COL17A1: variants seen among roughly 807,000 people sequenced by gnomAD.
COL17A1 encodes collagen type XVII alpha 1 chain.
COL17A1 carries 181 observed loss-of-function variants against 218.4 expected under a neutral mutation model. The observed-to-expected ratio is 0.83, with a 90% CI of 0.73 to 0.94. The LOEUF (loss-of-function observed/expected upper bound fraction) is 0.94, where lower values mean the gene tolerates loss of function less well. COL17A1 is among the 40% of genes least tolerant of loss of function. The pLI is 0.00. For missense variants in COL17A1, 1,924 were observed against 1,945.9 expected, an observed-to-expected ratio of 0.99 and a Z score of 0.21; for synonymous variants, 721 against 731.0, an observed-to-expected ratio of 0.99 and a Z score of 0.22.
Position 104,037,024 on chromosome 10 carries a change from AT to A in COL17A1, c.3277+20del, listed in dbSNP as rs1554847203. ...GAAAGCAAAGATAGTCCCACCCTCG[AT>A]CCCCCCACAGGTGACTCACGCTGCA... On this transcript the variant is annotated intron_variant, in intron 47 of 55. Coordinates refer to ENST00000648076, the MANE Select transcript of COL17A1 (RefSeq NM_000494.4). 1.9e-6 allele frequency: 3 copies of A among 1,594,564 alleles called. No homozygotes were observed. The highest frequency in any genetic ancestry group is 2.6e-6 in the Non-Finnish European group (3 of 1,170,666).
intron 15 of COL17A1, 109 bp downstream of exon 15, chr10:104,059,529 A>C: frequency 1.0e-6 from 1 of 963,514 alleles, no homozygotes; most frequent in Non-Finnish European, 1.7e-6. Flanking sequence ...GGTGTGGCTG[A>C]TGCTGCTGGC....
Position 104,043,599 on chromosome 10 carries a change from A to T in COL17A1, c.2435-18T>A, listed in dbSNP as rs1343147464. 10 of 1,613,534 alleles carry T rather than the reference A, an allele frequency of 6.2e-6. No individual in the cohort carries two copies. Among genetic ancestry groups the T allele is most frequent in the Non-Finnish European group, 8.5e-6 (10 of 1,179,734 alleles). On this transcript the variant is annotated intron_variant, in intron 34 of 55. Coordinates refer to ENST00000648076, the MANE Select transcript of COL17A1 (RefSeq NM_000494.4). ...TGACCCCTCTGAAAACAGAAGGCAC[A>T]TGGAACATTGAGCCCTACTTTTCTC... is the stretch of plus-strand genomic sequence containing the variant.
chr10:104,065,170 C>G (rs541201680), intron 9 of COL17A1, among the ~76,000 whole-genome samples: 1 of 152,272 alleles, frequency 6.6e-6, no homozygotes, highest in South Asian at 2.1e-4. Context: ...GAGGATTTTC[C>G]TGCTTCTTCA....
At position 104,077,373 on chromosome 10, in the gene COL17A1, C is replaced by T. The variant is rs377059291; in HGVS notation, c.202+49G>A. ...TGTGTAGGACTTTCTTGGTGTCTCT[C>T]TCTTTGTCACCCATTCTTCCCTGAC... On this transcript the variant is annotated intron_variant, in intron 4 of 55. Coordinates refer to ENST00000648076, the MANE Select transcript of COL17A1 (RefSeq NM_000494.4). The T allele has an allele frequency of 2.0e-6, 3 of 1,465,998 alleles. No homozygotes were observed. In the African/African-American group the frequency reaches 4.2e-5, roughly 20 times the overall value. The allele number at this position is 1,465,998 out of a possible 1,614,324, so 90.8% of individuals were successfully genotyped here. A position where few individuals can be genotyped will look rare whatever the true frequency, so the allele number is the denominator to read the frequency against.
chr10:104,085,114 A>G (rs1589582072), intron 1 of COL17A1, among the ~76,000 whole-genome samples: 1 of 152,264 alleles, frequency 6.6e-6, no homozygotes, highest in East Asian at 1.9e-4. Flanking sequence ...TTATTCCTCT[A>G]AGTTTGATCC....
At chr10:104,081,499 C>T (rs2086764352) in intron 1 of COL17A1, among the ~76,000 whole-genome samples, 1 of 152,188 alleles carries the variant, frequency 6.6e-6, no homozygotes, top group Admixed American at 6.5e-5. Flanking sequence ...AAGCTCAAGT[C>T]TTAAACACAC....
At chr10:104,061,604 A>G (rs2086583638) in intron 12 of COL17A1, 131 bp from the exon 13 acceptor site, 1 of 740,408 alleles carries the variant, frequency 1.4e-6, no homozygotes. Context: ...AACTCTCTCC[A>G]GCCATGGGGA....
Position 104,036,140 on chromosome 10 carries a change from G to GTC in COL17A1, c.3418+351_3418+352insGA, listed in dbSNP as rs1288481160. ...TATGGGAGTGTGTGTATATGTGTGTGTATGGGTGTATGGGAGTGTGAGTAT... is the reference window on the plus strand; with the variant it reads ...TATGGGAGTGTGTGTATATGTGTGTGTCTATGGGTGTATGGGAGTGTGAGTAT... On this transcript the variant is annotated intron_variant, in intron 48 of 55. Coordinates refer to ENST00000648076, the MANE Select transcript of COL17A1 (RefSeq NM_000494.4). Among the ~76,000 whole-genome samples the GTC allele has an allele frequency of 9.4e-5, 11 of 116,844 alleles. 4 individuals are homozygous for GTC. The highest frequency in any genetic ancestry group is 1.5e-4 in the Non-Finnish European group (8 of 54,620). The allele number at this position is 116,844 out of a possible 152,430, so 76.7% of individuals were successfully genotyped here.
At chr10:104,047,863 G>A in intron 30 of COL17A1, 53 bp from the exon 31 acceptor site, 1 of 1,504,670 alleles carries the variant, frequency 6.6e-7, no homozygotes, top group South Asian at 1.1e-5. Context: ...AAGCTAAACT[G>A]GTTATCACAT....
chr10:104,071,687 AC>A (rs930824336), intron 8 of COL17A1, among the ~76,000 whole-genome samples: 35 of 151,888 alleles, frequency 2.3e-4, no homozygotes, highest in Non-Finnish European at 5.1e-4. Flanking sequence ...GGTAACACCT[AC>A]CCCGGGAAGT....
chr10:104,032,085 T>G lies in COL17A1; in HGVS notation c.*150A>C. ...GACTGAATTCTATAAGTATATATTG[T>G]TCAGACTAAAACAAATGTTGCTAGC... On this transcript the variant is annotated 3_prime_UTR_variant, in exon 56 of 56. Coordinates refer to ENST00000648076, the MANE Select transcript of COL17A1 (RefSeq NM_000494.4). 1.4e-6 allele frequency: 1 copy of G among 690,610 alleles called. No homozygotes were observed. The highest frequency in any genetic ancestry group is 2.6e-6 in the Non-Finnish European group (1 of 379,760). The allele number at this position is 690,610 out of a possible 1,614,324, so 42.8% of individuals were successfully genotyped here.
intron 19 of COL17A1, 109 bp from the exon 20 acceptor site, chr10:104,055,116 G>GA: frequency 1.9e-6 from 3 of 1,569,104 alleles, no homozygotes; most frequent in Non-Finnish European, 2.6e-6. Flanking sequence ...ATTTCAAGGT[G>GA]AGGCGACATG....
rs576244416 is a variant in COL17A1 at position 104,041,510 on chromosome 10, G to T, written c.2580C>A (p.Gly860=). 44 of 1,613,622 alleles carry T rather than the reference G, an allele frequency of 2.7e-5. 1 individual carries two copies. In the South Asian group the frequency reaches 4.6e-4, roughly 17 times the overall value. The change falls in exon 37 of 56, where the codon GGC becomes GGA. Residue 860 remains glycine (G), a synonymous_variant. Coordinates refer to ENST00000648076, the MANE Select transcript of COL17A1 (RefSeq NM_000494.4). ...CTGGTGGCCCGCGTGGGCCGGGTGG[G>T]CCTGGGGGACCTTGTAAATTAAGAA... ...QEVLNLQGPP[G]PPGPRGPPGP...
intron 27 of COL17A1, 125 bp downstream of exon 27, chr10:104,050,496 G>A (rs2086458005): frequency 6.6e-7 from 1 of 1,513,608 alleles, no homozygotes; most frequent in South Asian, 1.1e-5. Flanking sequence ...TATCTGAGAG[G>A]TTGGATTAGA....
intron 18 of COL17A1, 42 bp from the exon 19 acceptor site, chr10:104,055,443 G>T: frequency 3.6e-6 from 3 of 843,380 alleles, no homozygotes; most frequent in Non-Finnish European, 3.4e-6. Context: ...CACATCTCCT[G>T]TCACACACAC....
At chr10:104,084,794 C>G (rs968790456) in intron 1 of COL17A1, among the ~76,000 whole-genome samples, 1 of 152,156 alleles carries the variant, frequency 6.6e-6, no homozygotes, top group African/African-American at 2.4e-5. Context: ...TGTGCCTTAG[C>G]TCTAAGAGAG....
rs376697547 is a variant in COL17A1 at position 104,047,438 on chromosome 10, A to C, written c.2335+301T>G. ...TAGAAATCCTTATGTTTAGCTGTTA[A>C]TCCCACTCTTCTGAATTGCCAGACT... On this transcript the variant is annotated intron_variant, in intron 31 of 55. Coordinates refer to ENST00000648076, the MANE Select transcript of COL17A1 (RefSeq NM_000494.4). 7.2e-5 allele frequency among the ~76,000 whole-genome samples: 11 copies of C among 151,810 alleles called. No individual in the cohort carries two copies. The East Asian group carries it at 1.2e-3, about 16-fold the overall frequency.
At chr10:104,036,448 G>C in intron 48 of COL17A1, 44 bp downstream of exon 48, 1 of 1,612,972 alleles carries the variant, frequency 6.2e-7, no homozygotes. Context: ...CCTCATCCCA[G>C]TCATCCCAGG....
chr10:104,034,207 G>T lies in COL17A1; in HGVS notation c.3894C>A (p.Ser1298Arg). The change falls in exon 52 of 56, where the codon AGC becomes AGA. Residue 1298 changes from serine to arginine, a missense_variant. Transcript: ENST00000648076. ...AGGAGCTGCCCCGCCTGACAGATGA[G>T]CTGTGTGAGGAGGAGCTGCTACCCC... ...HSRGSSSSSH[S>R]SSVRRGSSYS... 6.2e-7 allele frequency: 1 copy of T among 1,613,100 alleles called. No homozygotes were observed. The highest frequency in any genetic ancestry group is 1.1e-5 in the South Asian group (1 of 90,964).
Sources: allele counts gnomAD v4.1 joint callset (sites outside exome capture counted in the v4.1 genomes callset), GRCh38; gene constraint gnomAD v4.1.1; transcripts MANE v1.5; gene names NCBI Gene and HGNC (gene_info 2026-07-23, HGNC 2026-07-21).